The following LPP variants were observed in gnomAD, a reference collection of about 807,000 sequenced individuals.
LPP encodes lipoma-preferred partner.
LPP carries 38 observed loss-of-function variants against 60.4 expected under a neutral mutation model. The observed-to-expected ratio is 0.63, with a 90% CI of 0.49 to 0.83. The LOEUF (loss-of-function observed/expected upper bound fraction) is 0.83, where lower values mean the gene tolerates loss of function less well. LPP is among the 40% of genes least tolerant of loss of function. LPP has a pLI of 0.00. For synonymous variants in LPP, 328 were observed against 290.8 expected, an observed-to-expected ratio of 1.13 and a Z score of -1.30; for missense variants, 902 against 783.6, an observed-to-expected ratio of 1.15 and a Z score of -1.80.
intron 8 of LPP, among the ~76,000 whole-genome samples, chr3:188,748,212 T>C (rs1726906935): frequency 6.6e-6 from 1 of 152,192 alleles, no homozygotes; most frequent in Admixed American, 6.6e-5. Flanking sequence ...TGTGTATACT[T>C]ATTTTACTGG....
chr3:188,469,246 G>A (rs1323215841), intron 4 of LPP, among the ~76,000 whole-genome samples: 2 of 152,082 alleles, frequency 1.3e-5, no homozygotes, highest in Non-Finnish European at 2.9e-5. Context: ...TTGCAGATGT[G>A]GGACTGTGTG....
At chr3:188,776,938 A>G (rs1159558804) in intron 9 of LPP, among the ~76,000 whole-genome samples, 1 of 152,152 alleles carries the variant, frequency 6.6e-6, no homozygotes, top group Non-Finnish European at 1.5e-5. Flanking sequence ...TTCACATGGA[A>G]GAGAATGATT....
chr3:188,764,364 A>T (rs1412883158), intron 9 of LPP, among the ~76,000 whole-genome samples: 1 of 152,144 alleles, frequency 6.6e-6, no homozygotes, highest in East Asian at 1.9e-4. Flanking sequence ...ACATGAAATT[A>T]TTTACTAATA....
Position 188,245,657 on chromosome 3 carries a change from T to A in LPP, c.-67+20130T>A, listed in dbSNP as rs574838640. 2.7e-5 allele frequency among the ~76,000 whole-genome samples: 4 copies of A among 148,746 alleles called. No individual in the cohort carries two copies. In the South Asian group the frequency reaches 8.5e-4, roughly 31 times the overall value. On this transcript the variant is annotated intron_variant, in intron 2 of 11. Coordinates refer to ENST00000617246, the MANE Select transcript of LPP (RefSeq NM_001375462.1). ...CTTCCCTCTTTTCTAACCCCACACT[T>A]TTTTTTTTTTAAGATCAAAATAACG...
intron 8 of LPP, among the ~76,000 whole-genome samples, chr3:188,717,088 G>T (rs1339199291): frequency 6.6e-6 from 1 of 152,156 alleles, no homozygotes; most frequent in Non-Finnish European, 1.5e-5. Context: ...GTGATTAAGG[G>T]ACTCCCCACT....
chr3:188,550,164 A>T (rs1827713003), intron 6 of LPP, among the ~76,000 whole-genome samples: 1 of 152,202 alleles, frequency 6.6e-6, no homozygotes, highest in Admixed American at 6.5e-5. Context: ...TCCCCCATAA[A>T]TTTTTTAATG....
chr3:188,313,904 C>A (rs1375431751), intron 2 of LPP, among the ~76,000 whole-genome samples: 1 of 151,956 alleles, frequency 6.6e-6, no homozygotes, highest in Non-Finnish European at 1.5e-5. Flanking sequence ...TAATTATTTT[C>A]TATTTCATTT....
intron 2 of LPP, among the ~76,000 whole-genome samples, chr3:188,241,759 T>G (rs548400175): frequency 6.6e-6 from 1 of 152,332 alleles, no homozygotes; most frequent in East Asian, 1.9e-4. Context: ...ACTATATACG[T>G]AATTTCAGAT....
intron 8 of LPP, among the ~76,000 whole-genome samples, chr3:188,758,278 A>G (rs1040347227): frequency 6.6e-6 from 1 of 152,082 alleles, no homozygotes; most frequent in Admixed American, 6.6e-5. Context: ...CTCCTGCCTC[A>G]GCCTCCTGAG....
intron 9 of LPP, among the ~76,000 whole-genome samples, chr3:188,819,967 A>T (rs2151433254): frequency 6.6e-6 from 1 of 152,312 alleles, no homozygotes; most frequent in East Asian, 1.9e-4. Flanking sequence ...CCTGAAAGGG[A>T]AGCTTTGCAC....
intron 8 of LPP, among the ~76,000 whole-genome samples, chr3:188,731,964 G>C (rs190750817): frequency 2.6e-5 from 4 of 152,222 alleles, no homozygotes; most frequent in African/African-American, 9.6e-5. Context: ...AGTGAGCAAA[G>C]AAAGATGAGG....
intron 9 of LPP, among the ~76,000 whole-genome samples, chr3:188,764,981 A>C (rs1181057479): frequency 1.3e-5 from 2 of 152,132 alleles, no homozygotes; most frequent in Non-Finnish European, 2.9e-5. Flanking sequence ...TGACCAACAC[A>C]CTAGCAGCCT....
At chr3:188,662,688 C>T (rs1192089884) in intron 7 of LPP, among the ~76,000 whole-genome samples, 1 of 152,300 alleles carries the variant, frequency 6.6e-6, no homozygotes, top group Non-Finnish European at 1.5e-5. Flanking sequence ...TTTTCTTCTC[C>T]ATCCCCTTGC....
At chr3:188,418,508 C>G (rs918135162) in intron 4 of LPP, among the ~76,000 whole-genome samples, 13 of 152,126 alleles carry the variant, frequency 8.5e-5, no homozygotes, top group African/African-American at 3.1e-4. Context: ...GAATTGAACC[C>G]TTGTCTCCTA....
At chr3:188,855,323 G>T (rs1421157198) in intron 9 of LPP, among the ~76,000 whole-genome samples, 1 of 152,216 alleles carries the variant, frequency 6.6e-6, no homozygotes, top group African/African-American at 2.4e-5. Flanking sequence ...CTTAAGCGCT[G>T]CCGCAGAGGC....
At chr3:188,577,779 TC>T (rs1835059265) in intron 6 of LPP, among the ~76,000 whole-genome samples, 1 of 143,886 alleles carries the variant, frequency 6.9e-6, no homozygotes, top group Non-Finnish European at 1.5e-5. Flanking sequence ...CTTCCTTCCT[TC>T]TGTCCTTCCC....
chr3:188,714,834 T>A (rs2149783217), intron 8 of LPP, among the ~76,000 whole-genome samples: 1 of 152,252 alleles, frequency 6.6e-6, no homozygotes, highest in Non-Finnish European at 1.5e-5. Flanking sequence ...ACCATGGACC[T>A]GTGTCTTTCC....
chr3:188,230,470 G>A (rs555671906), intron 2 of LPP, among the ~76,000 whole-genome samples: 27 of 152,148 alleles, frequency 1.8e-4, no homozygotes, highest in Non-Finnish European at 3.1e-4. Flanking sequence ...CTCATGGGGC[G>A]TGGATGAAGA....
intron 6 of LPP, among the ~76,000 whole-genome samples, chr3:188,588,373 T>C (rs1368337634): frequency 6.6e-6 from 1 of 152,176 alleles, no homozygotes; most frequent in Non-Finnish European, 1.5e-5. Flanking sequence ...GCCCTAATAT[T>C]TGTCCCTTAA....
Sources: gnomAD v4.1 joint callset for allele counts (sites outside exome capture counted in the v4.1 genomes callset) on GRCh38, gnomAD v4.1.1 for gene constraint, MANE v1.5 for transcripts, NCBI Gene and HGNC (gene_info 2026-07-23, HGNC 2026-07-21) for gene names.